The following ABCB1 variants were observed in gnomAD, a reference collection of about 807,000 sequenced individuals.
The protein encoded by ABCB1 is ATP binding cassette subfamily B member 1, also known as ATP-dependent translocase ABCB1.
ABCB1 carries 69 observed loss-of-function variants against 142.0 expected under a neutral mutation model. That is an observed-to-expected ratio of 0.49 (90% CI 0.40 to 0.59). The LOEUF is 0.59. ABCB1 is among the 20% of genes least tolerant of loss of function. The probability of loss-of-function intolerance (pLI) is 0.00; values close to 1 mark genes in which losing one functional copy is unlikely to be tolerated. For synonymous variants in ABCB1, 532 were observed against 539.2 expected (o/e 0.99, Z 0.18); for missense variants, 1,326 against 1,554.7 (o/e 0.85, Z 2.47).
intron 20 of ABCB1, among the ~76,000 whole-genome samples, chr7:87,533,342 C>A (rs1350010062): frequency 6.6e-6 from 1 of 152,114 alleles, no homozygotes; most frequent in Non-Finnish European, 1.5e-5. Flanking sequence ...AGAATCACTT[C>A]TAGGTGTGAG....
chr7:87,515,951 A>ATG (rs1275296309), intron 24 of ABCB1, among the ~76,000 whole-genome samples: 10 of 152,330 alleles, frequency 6.6e-5, no homozygotes, highest in African/African-American at 2.4e-4. Flanking sequence ...CTTTCATAGC[A>ATG]TGTATTGTTA....
intron 21 of ABCB1, among the ~76,000 whole-genome samples, chr7:87,530,626 G>A (rs1036737063): frequency 3.3e-5 from 5 of 151,896 alleles, no homozygotes; most frequent in African/African-American, 1.2e-4. Context: ...GAAATAGGAT[G>A]AAGGGAGGAG....
intron 1 of ABCB1, among the ~76,000 whole-genome samples, chr7:87,611,936 G>C (rs1362079639): frequency 6.6e-6 from 1 of 152,056 alleles, no homozygotes; most frequent in Non-Finnish European, 1.5e-5. Context: ...TAGATATAGA[G>C]ATAAATTTAA....
At chr7:87,565,587 G>T in intron 7 of ABCB1, 1 of 362,642 alleles carries the variant, frequency 2.8e-6, no homozygotes. Context: ...TGACAAAACT[G>T]TAAAATCAAT....
chr7:87,703,885 C>CTTTTT, intron 1 of ABCB1, among the ~76,000 whole-genome samples: 34 of 60,276 alleles, frequency 5.6e-4, no homozygotes, highest in African/African-American at 6.9e-4. Context: ...TCAGTTTTTT[C>CTTTTT]TTTTTTTTTT....
At chr7:87,524,247 A>G (rs566381216) in intron 21 of ABCB1, among the ~76,000 whole-genome samples, 1 of 152,284 alleles carries the variant, frequency 6.6e-6, no homozygotes, top group African/African-American at 2.4e-5. Context: ...TGACAGGCCA[A>G]GAAGATTGAA....
chr7:87,572,663 A>G (rs1584892017), intron 4 of ABCB1, among the ~76,000 whole-genome samples: 1 of 152,216 alleles, frequency 6.6e-6, no homozygotes, highest in East Asian at 1.9e-4. Flanking sequence ...CCAATCAATG[A>G]CAGACTGGAT....
chr7:87,655,789 C>A (rs777888034), intron 1 of ABCB1, among the ~76,000 whole-genome samples: 3 of 152,046 alleles, frequency 2.0e-5, no homozygotes, highest in African/African-American at 7.2e-5. Context: ...GGAAACTTAA[C>A]CCCCTGTCCA....
intron 1 of ABCB1, among the ~76,000 whole-genome samples, chr7:87,701,045 A>C (rs1462047487): frequency 6.6e-6 from 1 of 152,226 alleles, no homozygotes; most frequent in Non-Finnish European, 1.5e-5. Flanking sequence ...CTCAACTTTG[A>C]GGATCTGTCT....
intron 4 of ABCB1, among the ~76,000 whole-genome samples, chr7:87,570,766 GAC>G (rs28381836): frequency 6.8e-4 from 102 of 151,058 alleles, no homozygotes; most frequent in Non-Finnish European, 1.1e-3. Flanking sequence ...CTAACACACA[GAC>G]ACACACACAC....
intron 3 of ABCB1, among the ~76,000 whole-genome samples, chr7:87,590,184 A>G (rs1416753195): frequency 6.6e-6 from 1 of 152,216 alleles, no homozygotes; most frequent in Admixed American, 6.5e-5. Flanking sequence ...ACTGGTAACA[A>G]CAGTGAGTAA....
intron 17 of ABCB1, among the ~76,000 whole-genome samples, chr7:87,543,580 C>T (rs1160299872): frequency 9.9e-5 from 15 of 152,148 alleles, no homozygotes; most frequent in African/African-American, 2.4e-4. Context: ...TGTAACTTTA[C>T]TGTTGAAAAT....
intron 1 of ABCB1, among the ~76,000 whole-genome samples, chr7:87,689,825 C>A (rs1827849043): frequency 6.6e-6 from 1 of 152,058 alleles, no homozygotes; most frequent in Non-Finnish European, 1.5e-5. Flanking sequence ...TGCTAGACGT[C>A]TAATGATAAA....
At chr7:87,710,276 C>T (rs945152152) in intron 1 of ABCB1, among the ~76,000 whole-genome samples, 2 of 152,052 alleles carry the variant, frequency 1.3e-5, no homozygotes, top group Non-Finnish European at 2.9e-5. Context: ...TATATAATTA[C>T]ATCATGTAAT....
rs529538153 is a variant in ABCB1 at position 87,532,716 on chromosome 7, C to T, written c.2482-1219G>A. ...ACAATAAGTATAAGCAGCTGAGCAT[C>T]CCATGCTGCTGTTCTGCCTATGAAG... is the stretch of plus-strand genomic sequence containing the variant. On this transcript the variant is annotated intron_variant, in intron 20 of 27. Coordinates refer to ENST00000622132, the MANE Select transcript of ABCB1 (RefSeq NM_001348946.2). Among the ~76,000 whole-genome samples, 152 of 152,260 alleles carry T rather than the reference C, an allele frequency of 1.0e-3. 1 individual carries two copies. In the South Asian group the frequency reaches 0.018, roughly 18 times the overall value.
intron 3 of ABCB1, among the ~76,000 whole-genome samples, chr7:87,592,962 C>G (rs113860603): frequency 0.032 from 4,683 of 147,876 alleles, 204 homozygotes; most frequent in African/African-American, 0.1. Context: ...GTGTCTCACT[C>G]TGTCACCCAG....
At chr7:87,651,694 A>C (rs948029988) in intron 1 of ABCB1, among the ~76,000 whole-genome samples, 1 of 152,130 alleles carries the variant, frequency 6.6e-6, no homozygotes, top group Non-Finnish European at 1.5e-5. Context: ...CTTTGGTAAC[A>C]TAACTTATGA....
chr7:87,611,706 T>C (rs1819858371), intron 1 of ABCB1, among the ~76,000 whole-genome samples: 1 of 152,190 alleles, frequency 6.6e-6, no homozygotes, highest in Non-Finnish European at 1.5e-5. Flanking sequence ...TTACAGCAAG[T>C]CTGAACTACT....
chr7:87,648,356 T>C (rs570972003), intron 1 of ABCB1, among the ~76,000 whole-genome samples: 2 of 152,102 alleles, frequency 1.3e-5, no homozygotes, highest in South Asian at 4.1e-4. Context: ...GAGGCAAATG[T>C]TCATATAAAA....
Sources: gnomAD v4.1 joint callset for allele counts (sites outside exome capture counted in the v4.1 genomes callset) on GRCh38, gnomAD v4.1.1 for gene constraint, MANE v1.5 for transcripts, NCBI Gene and HGNC (gene_info 2026-07-23, HGNC 2026-07-21) for gene names.